LRRC70: variants seen among roughly 807,000 people sequenced by gnomAD.
LRRC70 encodes the protein leucine rich repeat containing 70, also known as leucine-rich repeat-containing protein 70.
A neutral mutation model predicts 42.4 loss-of-function variants in LRRC70; 31 were observed. That is an observed-to-expected ratio of 0.73 (90% CI 0.55 to 0.99). The LOEUF is 0.99. Ranked by LOEUF, LRRC70 falls within the 50% of genes least tolerant of loss-of-function variation. The pLI, the probability that LRRC70 is intolerant of heterozygous loss-of-function variation, is 0.00. For synonymous variants in LRRC70, 270 were observed against 262.9 expected (o/e 1.03, Z -0.26); for missense variants, 643 against 707.5 (o/e 0.91, Z 1.03).
Position 62,580,270 on chromosome 5 carries a change from C to G in LRRC70, c.832C>G (p.Leu278Val). ...GGATGGGTTTAGTGGAATTAATAAT[C>G]TTAAACATTTGATCTTAAGTCATAA... ...TRDGFSGINN[L>V]KHLILSHNDL... Residue 278 changes from leucine to valine, a missense_variant, in exon 2 of 2, where the codon CTT (leucine) becomes GTT (valine). Physicochemically the swap from Leu to Val is conservative, Grantham distance 32. Coordinates refer to ENST00000334994, the MANE Select transcript of LRRC70 (RefSeq NM_181506.5). 1.3e-6 allele frequency: 2 copies of G among 1,541,514 alleles called. No individual in the cohort carries two copies. The highest frequency in any genetic ancestry group is 2.4e-5 in the South Asian group (2 of 83,814).
chr5:62,580,451 C>T lies in LRRC70; in HGVS notation c.1013C>T (p.Thr338Ile). The stretch of plus-strand genomic sequence containing the variant: ...CTTAATCTGTCATTTAATAATCTTA[C>T]AGCCTTGCATCCAAGGGTCCTTAAG... ...KILNLSFNNL[T>I]ALHPRVLKPL... Residue 338 changes from threonine to isoleucine, a missense_variant, in exon 2 of 2, where the codon ACA becomes ATA. By Grantham distance (89) the Thr-to-Ile change is moderately conservative. Coordinates refer to ENST00000334994, the MANE Select transcript of LRRC70 (RefSeq NM_181506.5). 1.3e-6 allele frequency: 2 copies of T among 1,551,370 alleles called. No homozygotes were observed. The highest frequency in any genetic ancestry group is 1.7e-6 in the Non-Finnish European group (2 of 1,146,796).
chr5:62,580,623 A>C lies in LRRC70; in HGVS notation c.1185A>C (p.Ala395=). 6.4e-7 allele frequency: 1 copy of C among 1,551,502 alleles called. No homozygotes were observed. Among genetic ancestry groups the C allele is most frequent in the African/African-American group, 1.4e-5 (1 of 73,166 alleles). Residue 395 remains alanine, a synonymous_variant, in exon 2 of 2, where the codon GCA becomes GCC. Coordinates refer to ENST00000334994, the MANE Select transcript of LRRC70 (RefSeq NM_181506.5). ...CQNPPSMRGR[A]LRYINITNCV... ...ATCCCCCATCCATGCGTGGCAGAGC[A>C]TTACGTTATATTAACATTACAAATT... is the stretch of plus-strand genomic sequence containing the variant.
Position 62,580,495 on chromosome 5 carries a change from C to T in LRRC70, c.1057C>T (p.His353Tyr). Residue 353 changes from histidine to tyrosine, a missense_variant, in exon 2 of 2, where the codon CAT (histidine) becomes TAT (tyrosine). By Grantham distance (83) the His-to-Tyr change is moderately conservative (BLOSUM62 2). Transcript: ENST00000334994. ...CCTTAAGCCGTTGTCTTCATTGATT[C>T]ATCTTCAGGCAAATTCTAATCCTTG... ...RVLKPLSSLI[H>Y]LQANSNPWEC... 1 of 1,551,444 alleles carries T rather than the reference C, an allele frequency of 6.4e-7. No individual in the cohort carries two copies. The highest frequency in any genetic ancestry group is 8.7e-7 in the Non-Finnish European group (1 of 1,146,818).
At position 62,579,781 on chromosome 5, in the gene LRRC70, C is replaced by A; in HGVS notation, c.343C>A (p.Leu115Ile). The A allele has an allele frequency of 6.5e-7, 1 of 1,542,700 alleles. No homozygotes were observed. The highest frequency in any genetic ancestry group is 1.2e-5 in the South Asian group (1 of 82,888). The part of the protein sequence containing the change: ...VQLRHLYFLF[L>I]NNNFIKRLDP... ...ATTGAGGCATCTATATTTTCTATTT[C>A]TAAATAATAATTTCATCAAACGCTT... The change falls in exon 2 of 2, where the codon CTA (leucine) becomes ATA (isoleucine). Residue 115 changes from leucine to isoleucine, a missense_variant. Physicochemically the swap from Leu to Ile is conservative, Grantham distance 5 (BLOSUM62 2). Transcript: ENST00000334994.
At position 62,580,926 on chromosome 5, in the gene LRRC70, G is replaced by T; in HGVS notation, c.1488G>T (p.Leu496Phe). 6.4e-6 allele frequency: 10 copies of T among 1,550,584 alleles called. No homozygotes were observed. Among genetic ancestry groups the T allele is most frequent in the Non-Finnish European group, 8.7e-6 (10 of 1,146,610 alleles). The stretch of plus-strand genomic sequence containing the variant: ...TTACTACTTCTGTTACCTTGAACTT[G>T]GAAAAAAACAGTGCTCTACCGAATG... ...IQLTTSVTLN[L>F]EKNSALPNDA... The change falls in exon 2 of 2, where the codon TTG becomes TTT. Residue 496 changes from leucine to phenylalanine, a missense_variant. Coordinates refer to ENST00000334994, the MANE Select transcript of LRRC70 (RefSeq NM_181506.5).
rs1744559798 is a variant in LRRC70, at chr5:62,581,423, A to G, written c.*116A>G. On this transcript the variant is annotated 3_prime_UTR_variant, in exon 2 of 2. Transcript: ENST00000334994. ...ATATAATGAATTATATGAGGTTAGC[A>G]TTATTAAAATATGTTTTTAATAATT... The G allele has an allele frequency of 3.7e-6, 3 of 816,438 alleles. No homozygotes were observed. The highest frequency in any genetic ancestry group is 5.5e-6 in the Non-Finnish European group (3 of 548,020). 50.6% of individuals were successfully genotyped at this position (816,438 alleles called of 1,614,324 possible).
Position 62,579,501 on chromosome 5 carries a change from T to C in LRRC70, c.63T>C (p.Leu21=), listed in dbSNP as rs538617576. Residue 21 remains leucine, a synonymous_variant, in exon 2 of 2, where the codon CTT becomes CTC. Coordinates refer to ENST00000334994, the MANE Select transcript of LRRC70 (RefSeq NM_181506.5). ...LRLFLVVTCY[L]LLLLHKEILG... is the part of the protein sequence containing the mutation. ...TGTTTCTGGTTGTTACCTGTTATCT[T>C]TTATTATTACTCCACAAAGAAATAC... 6 of 1,551,030 alleles carry C rather than the reference T, an allele frequency of 3.9e-6. No homozygotes were observed. Among genetic ancestry groups the C allele is most frequent in the East Asian group, 4.9e-5 (2 of 40,884 alleles).
intron 1 of LRRC70, 95 bp from the exon 2 acceptor site, chr5:62,579,306 C>A: frequency 2.5e-6 from 2 of 806,520 alleles, no homozygotes; most frequent in Admixed American, 2.2e-5. Flanking sequence ...ATTGGCTGAT[C>A]CTAATTAAAA....
Position 62,581,294 on chromosome 5 carries a change from A to T in LRRC70, c.1856A>T (p.His619Leu). Residue 619 changes from histidine to leucine, a missense_variant, in exon 2 of 2, where the codon CAT becomes CTT. Coordinates refer to ENST00000334994, the MANE Select transcript of LRRC70 (RefSeq NM_181506.5). ...GAGGCACAGGTCATTCTTTTTGAAC[A>T]TTCTGCTTTATAACTCAACTAAATA... ...ENEAQVILFE[H>L]SAL 6.6e-7 allele frequency: 1 copy of T among 1,515,072 alleles called. No homozygotes were observed. The highest frequency in any genetic ancestry group is 8.8e-7 in the Non-Finnish European group (1 of 1,135,142). 93.9% of individuals were successfully genotyped at this position (1,515,072 alleles called of 1,614,324 possible). A position where few individuals can be genotyped will look rare whatever the true frequency, so the allele number is the denominator to read the frequency against.
chr5:62,580,752 C>T lies in LRRC70; in HGVS notation c.1314C>T (p.Thr438=), dbSNP rs975879925. The change falls in exon 2 of 2, where the codon ACC becomes ACT. Residue 438 remains threonine (T), a synonymous_variant. Coordinates refer to ENST00000334994, the MANE Select transcript of LRRC70 (RefSeq NM_181506.5). ...TAATGATGGCCTGGCATAAAGTAAC[C>T]ACAAATGGCAGTCCTCTGGAAAATA... ...TALMMAWHKV[T]TNGSPLENTE... 5 of 1,551,318 alleles carry T rather than the reference C, an allele frequency of 3.2e-6. No individual in the cohort carries two copies. Among genetic ancestry groups the T allele is most frequent in the Non-Finnish European group, 4.4e-6 (5 of 1,146,856 alleles).
Position 62,580,998 on chromosome 5 carries a change from A to T in LRRC70, c.1560A>T (p.Glu520Asp). 4 of 1,551,284 alleles carry T rather than the reference A, an allele frequency of 2.6e-6. No homozygotes were observed. Among genetic ancestry groups the T allele is most frequent in the Non-Finnish European group, 2.6e-6 (3 of 1,146,842 alleles). Residue 520 changes from glutamate (E) to aspartate (D), a missense_variant, in exon 2 of 2, where the codon GAA (glutamate) becomes GAT (aspartate). Physicochemically the swap from Glu to Asp is conservative, Grantham distance 45. Coordinates refer to ENST00000334994, the MANE Select transcript of LRRC70 (RefSeq NM_181506.5). ...AAACATCTCTAATTTGTACACAAGA[A>T]GTTGAGAAGTTGAATGAGGCTTTTG... ...SGKTSLICTQ[E>D]VEKLNEAFDI...
chr5:62,581,332 A>C lies in LRRC70; in HGVS notation c.*25A>C. 1 of 1,463,240 alleles carries C rather than the reference A, an allele frequency of 6.8e-7. No homozygotes were observed. 90.6% of individuals were successfully genotyped at this position (1,463,240 alleles called of 1,614,324 possible). ...ACTCAACTAAATATTGTCTATAAGA[A>C]ACTTCAGTGCCATGGACATGATTTA... On this transcript the variant is annotated 3_prime_UTR_variant, in exon 2 of 2. Transcript: ENST00000334994.
chr5:62,580,197 T>C lies in LRRC70; in HGVS notation c.759T>C (p.Asn253=). ...IQPFAFKGLA[N]LEYLLLKNSR... The stretch of plus-strand genomic sequence containing the variant: ...CCTTTGCATTTAAAGGACTTGCCAA[T>C]CTGGAATACCTCCTCCTGAAAAATT... Residue 253 remains asparagine, a synonymous_variant, in exon 2 of 2, where the codon AAT becomes AAC. Coordinates refer to ENST00000334994, the MANE Select transcript of LRRC70 (RefSeq NM_181506.5). 1.9e-6 allele frequency: 3 copies of C among 1,551,186 alleles called. No homozygotes were observed. The highest frequency in any genetic ancestry group is 3.9e-5 in the Admixed American group (2 of 50,970).
In LRRC70 at chr5:62,579,858, G is replaced by A; in HGVS notation, c.420G>A (p.Gln140=). 1 of 1,549,140 alleles carries A rather than the reference G, an allele frequency of 6.5e-7. No homozygotes were observed. The highest frequency in any genetic ancestry group is 8.7e-7 in the Non-Finnish European group (1 of 1,144,928). Residue 140 remains glutamine, a synonymous_variant, in exon 2 of 2, where the codon CAG becomes CAA. Transcript: ENST00000334994. The stretch of plus-strand genomic sequence containing the variant: ...TAAATCTTCGTAATTTATATTTACA[G>A]TATAATCAGGTATCTTTTGTTCCGA... The part of the protein sequence containing the change: ...GLLNLRNLYL[Q]YNQVSFVPRG...
rs1017490164 is a variant in LRRC70 at position 62,579,740 on chromosome 5, CA to C, written c.306del (p.Ala103ProfsTer5). On this transcript the variant is annotated frameshift_variant, in exon 2 of 2. Transcript: ENST00000334994. LOFTEE classifies it high-confidence loss of function. Reference sequence around the variant, plus strand: ...AATTCTAACATTCTGTATGTATATCCAAAAGCCTTTGTTCAATTGAGGCATC... The same window carrying C: ...AATTCTAACATTCTGTATGTATATCCAAAGCCTTTGTTCAATTGAGGCATC... ...LDNSNILYVY[P>X]KAFVQLRHLY... 5 of 1,547,432 alleles carry C rather than the reference CA, an allele frequency of 3.2e-6. No individual in the cohort carries two copies. The African/African-American group carries it at 4.1e-5, about 13-fold the overall frequency.
In LRRC70 at chr5:62,580,322, C is replaced by T; in HGVS notation, c.884C>T (p.Thr295Ile). The change falls in exon 2 of 2, where the codon ACA (threonine) becomes ATA (isoleucine). Residue 295 changes from threonine (T) to isoleucine (I), a missense_variant. By Grantham distance (89) the Thr-to-Ile change is moderately conservative. Coordinates refer to ENST00000334994, the MANE Select transcript of LRRC70 (RefSeq NM_181506.5). ...GATTTAGAGAATTTAAATTCTGACA[C>T]ATTCAGTTTGTTAAAGAATTTAATT... Reference protein sequence around the residue: ...HNDLENLNSDTFSLLKNLIYL... With the variant: ...HNDLENLNSDIFSLLKNLIYL... The T allele has an allele frequency of 6.5e-7, 1 of 1,536,998 alleles. No homozygotes were observed. Among genetic ancestry groups the T allele is most frequent in the Non-Finnish European group, 8.8e-7 (1 of 1,133,916 alleles).
Position 62,581,327 on chromosome 5 carries a change from T to G in LRRC70, c.*20T>G. 6.8e-7 allele frequency: 1 copy of G among 1,472,732 alleles called. No homozygotes were observed. The highest frequency in any genetic ancestry group is 9.0e-7 in the Non-Finnish European group (1 of 1,116,766). 91.2% of individuals were successfully genotyped at this position (1,472,732 alleles called of 1,614,324 possible). ...TTATAACTCAACTAAATATTGTCTA[T>G]AAGAAACTTCAGTGCCATGGACATG... On this transcript the variant is annotated 3_prime_UTR_variant, in exon 2 of 2. Coordinates refer to ENST00000334994, the MANE Select transcript of LRRC70 (RefSeq NM_181506.5).
At position 62,580,946 on chromosome 5, in the gene LRRC70, C is replaced by A; in HGVS notation, c.1508C>A (p.Pro503Gln). The A allele has an allele frequency of 6.4e-7, 1 of 1,551,142 alleles. No homozygotes were observed. Among genetic ancestry groups the A allele is most frequent in the Non-Finnish European group, 8.7e-7 (1 of 1,146,762 alleles). The change falls in exon 2 of 2, where the codon CCG (proline) becomes CAG (glutamine). Residue 503 changes from proline (P) to glutamine (Q), a missense_variant. By Grantham distance (76) the Pro-to-Gln change is moderately conservative. Coordinates refer to ENST00000334994, the MANE Select transcript of LRRC70 (RefSeq NM_181506.5). Reference sequence around the variant, plus strand: ...AACTTGGAAAAAAACAGTGCTCTACCGAATGATGCTGCTTCAATGTCAGGG... The same window carrying A: ...AACTTGGAAAAAAACAGTGCTCTACAGAATGATGCTGCTTCAATGTCAGGG... ...TLNLEKNSAL[P>Q]NDAASMSGKT...
rs776500947 is a variant in LRRC70, at chr5:62,579,558, TGGGA to T, written c.122_125del (p.Gly41AspfsTer8). 6.4e-6 allele frequency: 10 copies of T among 1,551,076 alleles called. No individual in the cohort carries two copies. Among genetic ancestry groups the T allele is most frequent in the Non-Finnish European group, 8.7e-7 (1 of 1,146,618 alleles). On this transcript the variant is annotated frameshift_variant, in exon 2 of 2. Transcript: ENST00000334994. LOFTEE classifies it high-confidence loss of function. ...GTTCGTCTGTTTGTCAGCTCTGCAC[TGGGA>T]GACAAATTAACTGCCGTAACTTAGG...
Sources: gnomAD v4.1 joint callset for allele counts on GRCh38, gnomAD v4.1.1 for gene constraint, MANE v1.5 for transcripts, NCBI Gene and HGNC (gene_info 2026-07-23, HGNC 2026-07-21) for gene names.